Variants in ACTR3 observed in about 807,000 individuals in gnomAD.
The protein encoded by ACTR3 is actin related protein 3.
ACTR3 carries 12 observed loss-of-function variants against 56.8 expected under a neutral mutation model. That is an observed-to-expected ratio of 0.21 (90% CI 0.14 to 0.34). The LOEUF is 0.34. ACTR3 is among the 10% of genes least tolerant of loss of function. The pLI is 1.00. For missense variants in ACTR3, 282 were observed against 512.5 expected (o/e 0.55, Z 4.34); for synonymous variants, 162 against 167.4 (o/e 0.97, Z 0.25).
At chr2:113,913,801 A>G (rs1421264572) in intron 2 of ACTR3, among the ~76,000 whole-genome samples, 2 of 152,162 alleles carry the variant, frequency 1.3e-5, no homozygotes, top group Non-Finnish European at 2.9e-5. Flanking sequence ...TAAGCTGACC[A>G]TTAACTTTCA....
intron 1 of ACTR3, among the ~76,000 whole-genome samples, chr2:113,898,260 C>T (rs1212916495): frequency 1.3e-5 from 2 of 151,920 alleles, no homozygotes; most frequent in African/African-American, 4.8e-5. Flanking sequence ...ATTTGTGAAA[C>T]TTGCTTTAGT....
At chr2:113,897,155 G>A (rs1257331900) in intron 1 of ACTR3, among the ~76,000 whole-genome samples, 1 of 152,182 alleles carries the variant, frequency 6.6e-6, no homozygotes, top group African/African-American at 2.4e-5. Flanking sequence ...AATGTGTGCT[G>A]TAGCTTACCA....
intron 5 of ACTR3, 36 bp downstream of exon 5, chr2:113,931,432 C>T (rs112631500): frequency 5.8e-6 from 8 of 1,371,968 alleles, no homozygotes; most frequent in Middle Eastern, 1.9e-4. Context: ...TTGATTCTTA[C>T]ATTTTAACCT....
intron 3 of ACTR3, among the ~76,000 whole-genome samples, chr2:113,924,262 A>G (rs1222924969): frequency 6.6e-6 from 1 of 150,532 alleles, no homozygotes; most frequent in Admixed American, 6.6e-5. Context: ...TTTTTTGTAG[A>G]GACAGGGTCT....
intron 1 of ACTR3, among the ~76,000 whole-genome samples, chr2:113,897,838 G>C (rs1454691314): frequency 2.6e-5 from 4 of 152,078 alleles, no homozygotes; most frequent in Admixed American, 2.6e-4. Flanking sequence ...TACCTGAGAA[G>C]AATATTCATC....
At chr2:113,921,926 G>C (rs1464997650) in intron 3 of ACTR3, among the ~76,000 whole-genome samples, 1 of 152,158 alleles carries the variant, frequency 6.6e-6, no homozygotes, top group Non-Finnish European at 1.5e-5. Context: ...GTGCCAGTTA[G>C]GTTTGAGTAG....
chr2:113,892,276 T>C (rs1412335983), intron 1 of ACTR3, among the ~76,000 whole-genome samples: 1 of 152,106 alleles, frequency 6.6e-6, no homozygotes, highest in Admixed American at 6.5e-5. Context: ...GGAAGAGGGG[T>C]TCAATTTAAC....
chr2:113,930,018 G>A (rs902516849), intron 4 of ACTR3, among the ~76,000 whole-genome samples: 2 of 152,086 alleles, frequency 1.3e-5, no homozygotes, highest in Admixed American at 1.3e-4. Context: ...TGGTGGGTGT[G>A]TACGATTTTT....
At position 113,927,440 on chromosome 2, in the gene ACTR3, C is replaced by A. The variant is rs774628201; in HGVS notation, c.321C>A (p.Asp107Glu). ...AATATTTAAGGGCAGAACCTGAAGA[C>A]CATTATTTTCTTTTGGTAAGTTACA... Reference protein sequence around the residue: ...IFKYLRAEPEDHYFLLTEPPL... With the variant: ...IFKYLRAEPEEHYFLLTEPPL... Residue 107 changes from aspartate (D) to glutamate (E), a missense_variant, in exon 4 of 12, where the codon GAC becomes GAA. Asp to Glu is a conservative substitution (Grantham distance 45). Coordinates refer to ENST00000263238, the MANE Select transcript of ACTR3 (RefSeq NM_005721.5). 6.3e-7 allele frequency: 1 copy of A among 1,587,104 alleles called. No homozygotes were observed. The highest frequency in any genetic ancestry group is 8.6e-7 in the Non-Finnish European group (1 of 1,165,400).
In ACTR3 at chr2:113,957,463, T is replaced by C. The variant is rs776003382; in HGVS notation, c.*8T>C. ...TTTGGAGTCATGTCGTAAAATTGGCTTCATAGTTATTGGGGTTAGGGAGGT... is the reference window on the plus strand; with the variant it reads ...TTTGGAGTCATGTCGTAAAATTGGCCTCATAGTTATTGGGGTTAGGGAGGT... On this transcript the variant is annotated 3_prime_UTR_variant, in exon 12 of 12. Coordinates refer to ENST00000263238, the MANE Select transcript of ACTR3 (RefSeq NM_005721.5). 9.3e-6 allele frequency: 15 copies of C among 1,608,312 alleles called. No individual in the cohort carries two copies. The highest frequency in any genetic ancestry group is 1.3e-5 in the Non-Finnish European group (15 of 1,175,160).
intron 1 of ACTR3, among the ~76,000 whole-genome samples, chr2:113,906,133 TTC>T (rs1679188486): frequency 6.6e-6 from 1 of 152,202 alleles, no homozygotes; most frequent in African/African-American, 2.4e-5. Flanking sequence ...GGGTTTCAGT[TTC>T]TTTACATCTT....
At chr2:113,921,703 G>A (rs1172031362) in intron 3 of ACTR3, among the ~76,000 whole-genome samples, 5 of 152,182 alleles carry the variant, frequency 3.3e-5, no homozygotes, top group Admixed American at 6.5e-5. Context: ...ACTGGGTAGT[G>A]TAGAGAGGAG....
Position 113,907,886 on chromosome 2 carries a change from C to A in ACTR3, c.45-5286C>A, listed in dbSNP as rs199890947. On this transcript the variant is annotated intron_variant, in intron 1 of 11. Coordinates refer to ENST00000263238, the MANE Select transcript of ACTR3 (RefSeq NM_005721.5). ...ACTTGGGAGGCTAAGGCAGGAAAAT[C>A]GCTTCAACCCAGGAGGTGCAGAGGT... is the stretch of plus-strand genomic sequence containing the variant. 1.4e-4 allele frequency among the ~76,000 whole-genome samples: 21 copies of A among 148,604 alleles called. No individual in the cohort carries two copies. The East Asian group carries it at 4.2e-3, about 30-fold the overall frequency.
chr2:113,939,071 T>G (rs1350365961), intron 6 of ACTR3, among the ~76,000 whole-genome samples: 2 of 151,786 alleles, frequency 1.3e-5, no homozygotes, highest in Non-Finnish European at 2.9e-5. Flanking sequence ...TCGCCCAGGC[T>G]GGAGTGCAGT....
Position 113,951,799 on chromosome 2 carries a change from A to C in ACTR3, c.1031A>C (p.Asp344Ala). The C allele has an allele frequency of 6.2e-7, 1 of 1,613,684 alleles. No individual in the cohort carries two copies. Among genetic ancestry groups the C allele is most frequent in the Non-Finnish European group, 8.5e-7 (1 of 1,179,650 alleles). The stretch of plus-strand genomic sequence containing the variant: ...CAAAGAGATTTGAAAAGAACTGTAG[A>C]TGCCCGGCTGAAATTAAGTGAGGAA... ...RLQRDLKRTV[D>A]ARLKLSEELS... The change falls in exon 10 of 12, where the codon GAT becomes GCT. Residue 344 changes from aspartate (D) to alanine (A), a missense_variant. Coordinates refer to ENST00000263238, the MANE Select transcript of ACTR3 (RefSeq NM_005721.5).
At chr2:113,938,321 G>A (rs1402345671) in intron 6 of ACTR3, among the ~76,000 whole-genome samples, 4 of 151,470 alleles carry the variant, frequency 2.6e-5, no homozygotes, top group Admixed American at 6.6e-5. Context: ...TTTTCTCCTC[G>A]TTAAGTGTTG....
chr2:113,907,656 T>G (rs1321395195), intron 1 of ACTR3, among the ~76,000 whole-genome samples: 1 of 152,112 alleles, frequency 6.6e-6, no homozygotes. Context: ...AAGCAAAAAT[T>G]TATTTTGGAA....
In ACTR3 at chr2:113,923,318, ATTTGTTTGTTTGTTTG is replaced by A. The variant is rs139721258; in HGVS notation, c.226-4007_226-3992del. On this transcript the variant is annotated intron_variant, in intron 3 of 11. Coordinates refer to ENST00000263238, the MANE Select transcript of ACTR3 (RefSeq NM_005721.5). ...AATGGTTATCTTCCTAACATGGAAT[ATTTGTTTGTTTGTTTG>A]TTTGTTTGTTTGTTTGTTTTTGAGA... Among the ~76,000 whole-genome samples, 35 of 54,746 alleles carry A rather than the reference ATTTGTTTGTTTGTTTG, an allele frequency of 6.4e-4. No individual in the cohort carries two copies. In the East Asian group the frequency reaches 0.011, roughly 18 times the overall value. The allele number at this position is 54,746 out of a possible 152,430, so 35.9% of individuals were successfully genotyped here.
chr2:113,900,814 T>C (rs1483004637), intron 1 of ACTR3, among the ~76,000 whole-genome samples: 1 of 152,224 alleles, frequency 6.6e-6, no homozygotes. Flanking sequence ...CAGGAGAATG[T>C]TTCTGTTGAC....
Sources: gnomAD v4.1 joint callset for allele counts (sites outside exome capture counted in the v4.1 genomes callset) on GRCh38, gnomAD v4.1.1 for gene constraint, MANE v1.5 for transcripts, NCBI Gene and HGNC (gene_info 2026-07-23, HGNC 2026-07-21) for gene names.